Variants in FSTL5 observed in about 807,000 individuals in gnomAD.
FSTL5 encodes the protein follistatin-related protein 5.
A neutral mutation model predicts 89.1 loss-of-function variants in FSTL5; 62 were observed. The observed-to-expected ratio is 0.70, with a 90% confidence interval of 0.57 to 0.86. The LOEUF is 0.86. FSTL5 is among the 40% of genes least tolerant of loss of function. FSTL5 has a pLI of 0.00. For missense variants in FSTL5, 1,057 were observed against 1,001.6 expected, an observed-to-expected ratio of 1.06 and a Z score of -0.75; for synonymous variants, 383 against 346.2, an observed-to-expected ratio of 1.11 and a Z score of -1.18.
intron 3 of FSTL5, among the ~76,000 whole-genome samples, chr4:161,991,396 C>A (rs1578924894): frequency 6.6e-6 from 1 of 152,044 alleles, no homozygotes; most frequent in East Asian, 1.9e-4. Context: ...TCCTTTCACT[C>A]AGGTCAATAC....
At chr4:162,033,716 T>C in intron 2 of FSTL5, 58 bp from the exon 3 acceptor site, 1 of 945,610 alleles carries the variant, frequency 1.1e-6, no homozygotes, top group East Asian at 2.6e-5. Flanking sequence ...ATCAACTGTT[T>C]CATATAAAGT....
At chr4:161,924,499 T>A (rs1192012883) in intron 3 of FSTL5, among the ~76,000 whole-genome samples, 1 of 151,708 alleles carries the variant, frequency 6.6e-6, no homozygotes. Context: ...TATTGGTTGG[T>A]ATATGATACA....
intron 9 of FSTL5, 139 bp downstream of exon 9, chr4:161,542,393 A>G (rs1385591483): frequency 2.3e-6 from 1 of 444,382 alleles, no homozygotes; most frequent in African/African-American, 2.0e-5. Flanking sequence ...TTTCTTAGAT[A>G]TGAGCATTTT....
chr4:161,861,901 G>C (rs768775353), intron 4 of FSTL5, among the ~76,000 whole-genome samples: 2 of 152,128 alleles, frequency 1.3e-5, no homozygotes, highest in African/African-American at 4.8e-5. Context: ...TGCAAATTTA[G>C]TTCATTCCAT....
At chr4:162,089,903 A>T (rs1328683860) in intron 2 of FSTL5, among the ~76,000 whole-genome samples, 8 of 152,280 alleles carry the variant, frequency 5.3e-5, no homozygotes, top group African/African-American at 1.2e-4. Context: ...ATGTCTTTTT[A>T]AAAAATTTTG....
chr4:161,654,002 T>G (rs1201701560), intron 7 of FSTL5, among the ~76,000 whole-genome samples: 2 of 152,180 alleles, frequency 1.3e-5, no homozygotes, highest in African/African-American at 4.8e-5. Flanking sequence ...TCTCAAAATG[T>G]ATCTGTTCTA....
chr4:162,004,742 T>C (rs1736566669), intron 3 of FSTL5, among the ~76,000 whole-genome samples: 1 of 152,224 alleles, frequency 6.6e-6, no homozygotes, highest in Admixed American at 6.5e-5. Flanking sequence ...TTTGGGTATT[T>C]AGTTATTGAT....
chr4:162,119,438 T>G (rs1320222857), intron 1 of FSTL5, among the ~76,000 whole-genome samples: 1 of 152,220 alleles, frequency 6.6e-6, no homozygotes, highest in African/African-American at 2.4e-5. Context: ...GTGACTGCTA[T>G]GTCCAGATTG....
chr4:161,501,519 C>T (rs986033549), intron 11 of FSTL5, among the ~76,000 whole-genome samples: 12 of 152,040 alleles, frequency 7.9e-5, no homozygotes, highest in African/African-American at 2.9e-4. Flanking sequence ...TCTTTTAGCA[C>T]ATGAAATTAT....
At chr4:161,766,707 A>C (rs1741013763) in intron 5 of FSTL5, among the ~76,000 whole-genome samples, 1 of 152,216 alleles carries the variant, frequency 6.6e-6, no homozygotes, top group Non-Finnish European at 1.5e-5. Context: ...AGTAATTTTA[A>C]TGAATTTAAT....
At chr4:162,009,671 G>A (rs569391740) in intron 3 of FSTL5, among the ~76,000 whole-genome samples, 217 of 151,978 alleles carry the variant, frequency 1.4e-3, no homozygotes, top group Middle Eastern at 3.4e-3. Context: ...GAAGCTAATA[G>A]GTGGCATAAA....
intron 4 of FSTL5, among the ~76,000 whole-genome samples, chr4:161,837,451 G>C (rs1731083110): frequency 6.6e-6 from 1 of 152,082 alleles, no homozygotes; most frequent in Admixed American, 6.6e-5. Context: ...TAAATAAATA[G>C]GATGCCATTG....
At chr4:161,562,034 A>C (rs1414125570) in intron 8 of FSTL5, among the ~76,000 whole-genome samples, 1 of 151,948 alleles carries the variant, frequency 6.6e-6, no homozygotes, top group East Asian at 1.9e-4. Flanking sequence ...CAGGACACCC[A>C]CCTTACTGAG....
Position 161,521,277 on chromosome 4 carries a change from AAG to A in FSTL5, c.1313-10855_1313-10854del, listed in dbSNP as rs760571993. Among the ~76,000 whole-genome samples, 110 of 152,206 alleles carry A rather than the reference AAG, an allele frequency of 7.2e-4. 1 individual carries two copies. Among genetic ancestry groups the A allele is most frequent in the Middle Eastern group, 6.8e-3 (2 of 294 alleles). On this transcript the variant is annotated intron_variant, in intron 10 of 15. Transcript: ENST00000306100. ...ATTACAAATCAGTTCAATATATTGA[AAG>A]AGAGGAAAATATTGAAATTATAAAA... is the stretch of plus-strand genomic sequence containing the variant.
chr4:161,701,377 A>T (rs577799668), intron 6 of FSTL5, among the ~76,000 whole-genome samples: 1 of 152,138 alleles, frequency 6.6e-6, no homozygotes. Flanking sequence ...ATTATTTTGC[A>T]TTCTCTAAAA....
In FSTL5 at chr4:162,041,586, T is replaced by C. The variant is rs567461913; in HGVS notation, c.127-7928A>G. Among the ~76,000 whole-genome samples the C allele has an allele frequency of 6.6e-4, 100 of 152,302 alleles. 1 individual carries two copies. The Middle Eastern group carries it at 0.017, about 26-fold the overall frequency. On this transcript the variant is annotated intron_variant, in intron 2 of 15. Transcript: ENST00000306100. ...TTTGATGTGAAGTTATTCATTCCAA[T>C]GCTAAAATTGTAGTTGCTTCTTATT...
intron 4 of FSTL5, among the ~76,000 whole-genome samples, chr4:161,818,431 T>G (rs359137): frequency 0.98 from 149,890 of 152,300 alleles, 73,795 homozygotes; most frequent in Non-Finnish European, 1. Context: ...AAGGTAGAGG[T>G]TCTAATTCAG....
In FSTL5 at chr4:161,814,857, T is replaced by C. The variant is rs112038531; in HGVS notation, c.410-38783A>G. 4.7e-3 allele frequency among the ~76,000 whole-genome samples: 710 copies of C among 152,234 alleles called. 6 individuals are homozygous for C. Among genetic ancestry groups the C allele is most frequent in the African/African-American group, 0.016 (663 of 41,584 alleles). On this transcript the variant is annotated intron_variant, in intron 4 of 15. Transcript: ENST00000306100. ...ATGAGATAGTATGTTCCTAACACTG[T>C]AGAATGTCTCAGTGCAAAAAGAAGA...
intron 4 of FSTL5, among the ~76,000 whole-genome samples, chr4:161,806,416 G>A (rs1419571997): frequency 6.6e-6 from 1 of 152,082 alleles, no homozygotes; most frequent in Non-Finnish European, 1.5e-5. Context: ...GATCAAGAGG[G>A]ATTGGAGGAA....
Sources: allele counts gnomAD v4.1 joint callset (sites outside exome capture counted in the v4.1 genomes callset), GRCh38; gene constraint gnomAD v4.1.1; transcripts MANE v1.5; gene names NCBI Gene and HGNC (gene_info 2026-07-23, HGNC 2026-07-21).